LOXHD1: variants seen among roughly 807,000 people sequenced by gnomAD.
The protein encoded by LOXHD1 is lipoxygenase homology PLAT domains 1.
LOXHD1 carries 205 observed loss-of-function variants against 248.2 expected under a neutral mutation model. That is an observed-to-expected ratio of 0.83 (90% CI 0.74 to 0.93). The LOEUF (loss-of-function observed/expected upper bound fraction) is 0.93. Among genes scored for constraint, LOXHD1 ranks in the 40% least tolerant of loss-of-function variants. The pLI is 0.00. For synonymous variants in LOXHD1, 1,113 were observed against 1,162.8 expected, an observed-to-expected ratio of 0.96 and a Z score of 0.87; for missense variants, 2,930 against 2,971.6, an observed-to-expected ratio of 0.99 and a Z score of 0.33.
chr18:46,651,406 A>C (rs1430843827), intron 1 of LOXHD1, among the ~76,000 whole-genome samples: 1 of 152,170 alleles, frequency 6.6e-6, no homozygotes, highest in Non-Finnish European at 1.5e-5. Flanking sequence ...CTCAGCACAG[A>C]CCTGGGACCT....
chr18:46,594,560 C>T (rs1254981949), intron 8 of LOXHD1, 94 bp from the exon 9 acceptor site: 2 of 1,438,672 alleles, frequency 1.4e-6, no homozygotes, highest in Non-Finnish European at 1.9e-6. Context: ...CATTTAGAGA[C>T]ATCTGTATTA....
Position 46,477,484 on chromosome 18 carries a change from G to C in LOXHD1, c.6810C>G (p.Phe2270Leu). ...RGDGLTWRDLFPSV is the reference protein window; with the variant it reads ...RGDGLTWRDLLPSV ...GGGCCCTAGCCCCTCAGACAGAAGGGAAGAGGTCTCTCCAGGTGAGTCCAT... is the reference window on the plus strand; with the variant it reads ...GGGCCCTAGCCCCTCAGACAGAAGGCAAGAGGTCTCTCCAGGTGAGTCCAT... Residue 2270 changes from phenylalanine (F) to leucine (L), a missense_variant, in exon 41 of 41, where the codon TTC becomes TTG. Coordinates refer to ENST00000642948, the MANE Select transcript of LOXHD1 (RefSeq NM_001384474.1). 1 of 1,546,838 alleles carries C rather than the reference G, an allele frequency of 6.5e-7. No homozygotes were observed. The highest frequency in any genetic ancestry group is 8.7e-7 in the Non-Finnish European group (1 of 1,144,020).
intron 23 of LOXHD1, 91 bp downstream of exon 23, chr18:46,545,226 A>G: frequency 1.1e-6 from 1 of 902,866 alleles, no homozygotes; most frequent in Non-Finnish European, 1.8e-6. Flanking sequence ...ACAAAAGCAT[A>G]ATTAGGATTC....
intron 1 of LOXHD1, among the ~76,000 whole-genome samples, chr18:46,649,667 A>G (rs2039082989): frequency 6.6e-6 from 1 of 152,006 alleles, no homozygotes; most frequent in Non-Finnish European, 1.5e-5. Context: ...ACACAAGGTG[A>G]CTGTGGCCAG....
chr18:46,589,816 A>T (rs1337284000), intron 12 of LOXHD1, among the ~76,000 whole-genome samples: 1 of 152,192 alleles, frequency 6.6e-6, no homozygotes, highest in Non-Finnish European at 1.5e-5. Context: ...AAAGGAGGTC[A>T]TATGGTTGGG....
chr18:46,539,923 C>T (rs1335499956), intron 25 of LOXHD1, among the ~76,000 whole-genome samples: 3 of 152,210 alleles, frequency 2.0e-5, no homozygotes, highest in Non-Finnish European at 2.9e-5. Context: ...TGGCCCTAAC[C>T]TTCTCCAGAT....
chr18:46,647,244 C>A (rs1450899516), intron 2 of LOXHD1, among the ~76,000 whole-genome samples: 2 of 152,184 alleles, frequency 1.3e-5, no homozygotes, highest in Non-Finnish European at 2.9e-5. Context: ...TGCCCTAGAC[C>A]CCCTTCAGAC....
rs150355715 is a variant in LOXHD1, at chr18:46,538,152, G to C, written c.4095+4C>G. On this transcript the variant is annotated splice_donor_region_variant and intron_variant, in intron 26 of 40. Coordinates refer to ENST00000642948, the MANE Select transcript of LOXHD1 (RefSeq NM_001384474.1). ...TCCCTGGACAGCCTGCTGAGCCCAAGTACCTCTACGATGAAGCGGGAGGCA... is the reference window on the plus strand; with the variant it reads ...TCCCTGGACAGCCTGCTGAGCCCAACTACCTCTACGATGAAGCGGGAGGCA... 2.3e-5 allele frequency: 35 copies of C among 1,529,038 alleles called. No homozygotes were observed. Among genetic ancestry groups the C allele is most frequent in the Non-Finnish European group, 2.7e-5 (31 of 1,128,576 alleles). The allele number at this position is 1,529,038 out of a possible 1,614,324, so 94.7% of individuals were successfully genotyped here.
intron 2 of LOXHD1, among the ~76,000 whole-genome samples, chr18:46,643,030 A>C (rs11874730): frequency 0.082 from 12,509 of 152,272 alleles, 573 homozygotes; most frequent in African/African-American, 0.12. Flanking sequence ...CGGAAGGGGA[A>C]GGGCCTTCTC....
At chr18:46,647,481 C>A (rs1234389343) in intron 2 of LOXHD1, among the ~76,000 whole-genome samples, 2 of 152,210 alleles carry the variant, frequency 1.3e-5, no homozygotes, top group East Asian at 3.8e-4. Flanking sequence ...AAGCTGGGAA[C>A]TTCAGAAACC....
chr18:46,501,593 G>A (rs2034235841), intron 37 of LOXHD1, among the ~76,000 whole-genome samples: 1 of 152,180 alleles, frequency 6.6e-6, no homozygotes, highest in Non-Finnish European at 1.5e-5. Flanking sequence ...TAAGTAAGAT[G>A]TCTTTAAACA....
At chr18:46,652,260 A>G (rs2039121297) in intron 1 of LOXHD1, among the ~76,000 whole-genome samples, 1 of 152,118 alleles carries the variant, frequency 6.6e-6, no homozygotes, top group Non-Finnish European at 1.5e-5. Flanking sequence ...AACACAGGGA[A>G]CCCTTGAGGG....
chr18:46,505,791 G>C (rs1397537681), intron 37 of LOXHD1, 47 bp downstream of exon 37: 35 of 1,543,560 alleles, frequency 2.3e-5, no homozygotes, highest in Non-Finnish European at 2.9e-5. Flanking sequence ...CTCAGGAAGG[G>C]AGCTGAGGGC....
chr18:46,634,534 AT>A (rs2038867897), intron 4 of LOXHD1, among the ~76,000 whole-genome samples: 2 of 152,250 alleles, frequency 1.3e-5, no homozygotes, highest in South Asian at 4.1e-4. Context: ...GAAATGTTGG[AT>A]AAAATTATCT....
rs2034533484 is a variant in LOXHD1 at position 46,505,874 on chromosome 18, G to A, written c.5842C>T (p.His1948Tyr). The A allele has an allele frequency of 1.3e-6, 2 of 1,551,644 alleles. No individual in the cohort carries two copies. The highest frequency in any genetic ancestry group is 1.7e-6 in the Non-Finnish European group (2 of 1,147,022). Reference protein sequence around the residue: ...FNFPDMLSLGHLCKLRVWHDN... With the variant: ...FNFPDMLSLGYLCKLRVWHDN... ...TGCCAGACCCTCAGCTTGCAGAGGT[G>A]GCCCAAGCTCAGCATGTCAGGGAAG... Residue 1948 changes from histidine (H) to tyrosine (Y), a missense_variant, in exon 37 of 41, where the codon CAC (histidine) becomes TAC (tyrosine). His to Tyr is a moderately conservative substitution (Grantham distance 83). Transcript: ENST00000642948.
intron 25 of LOXHD1, among the ~76,000 whole-genome samples, chr18:46,540,860 G>C (rs2036531113): frequency 6.6e-6 from 1 of 152,016 alleles, no homozygotes; most frequent in Non-Finnish European, 1.5e-5. Flanking sequence ...CCAGAGAAAT[G>C]TCACTTCATT....
chr18:46,636,568 C>T (rs138177347), intron 4 of LOXHD1, among the ~76,000 whole-genome samples: 1,720 of 152,316 alleles, frequency 0.011, 13 homozygotes, highest in Non-Finnish European at 0.017. Flanking sequence ...GATTGCCAGC[C>T]AGAACTTTGG....
At chr18:46,650,335 G>A (rs1249820875) in intron 1 of LOXHD1, among the ~76,000 whole-genome samples, 2 of 152,202 alleles carry the variant, frequency 1.3e-5, no homozygotes. Flanking sequence ...ACAATGTGGA[G>A]AGTCAGCAAA....
intron 21 of LOXHD1, among the ~76,000 whole-genome samples, chr18:46,555,626 G>A (rs913878205): frequency 6.6e-6 from 1 of 152,070 alleles, no homozygotes; most frequent in Non-Finnish European, 1.5e-5. Flanking sequence ...GGCACTGGCA[G>A]GCCCTCAGCA....
Sources: gnomAD v4.1 joint callset for allele counts (sites outside exome capture counted in the v4.1 genomes callset) on GRCh38, gnomAD v4.1.1 for gene constraint, MANE v1.5 for transcripts, NCBI Gene and HGNC (gene_info 2026-07-23, HGNC 2026-07-21) for gene names.